TDP1: variants seen among roughly 807,000 people sequenced by gnomAD.
The protein encoded by TDP1 is tyr-DNA phosphodiesterase 1.
A neutral mutation model predicts 81.5 loss-of-function variants in TDP1; 64 were observed. The ratio of observed to expected loss-of-function variants is 0.79; its 90% CI spans 0.64 to 0.97. TDP1 has a LOEUF of 0.97. Among genes scored for constraint, TDP1 ranks in the 50% least tolerant of loss-of-function variants. The pLI is 0.00. For synonymous variants in TDP1, 256 were observed against 264.3 expected (o/e 0.97, Z 0.30); for missense variants, 723 against 743.8 (o/e 0.97, Z 0.33).
intron 14 of TDP1, among the ~76,000 whole-genome samples, chr14:90,013,613 C>T (rs1884977774): frequency 6.6e-6 from 1 of 152,068 alleles, no homozygotes; most frequent in South Asian, 2.1e-4. Flanking sequence ...TCTTTATTAG[C>T]AGCATGAGAA....
chr14:89,985,872 C>T (rs1276269153), intron 10 of TDP1, among the ~76,000 whole-genome samples: 1 of 152,044 alleles, frequency 6.6e-6, no homozygotes, highest in Non-Finnish European at 1.5e-5. Context: ...ACTAAAAATA[C>T]AAAAATTAGC....
At chr14:90,004,412 C>T (rs1897461640) in intron 14 of TDP1, among the ~76,000 whole-genome samples, 1 of 152,172 alleles carries the variant, frequency 6.6e-6, no homozygotes, top group Non-Finnish European at 1.5e-5. Context: ...TTGTATGGTG[C>T]TTACTATATG....
At chr14:90,019,467 G>A in intron 15 of TDP1, 49 bp downstream of exon 15, 1 of 1,032,230 alleles carries the variant, frequency 9.7e-7, no homozygotes, top group South Asian at 1.3e-5. Flanking sequence ...GAGATGAATT[G>A]GGCTTTGTGT....
chr14:89,995,682 T>G (rs557949632), intron 14 of TDP1, among the ~76,000 whole-genome samples: 15 of 152,342 alleles, frequency 9.8e-5, no homozygotes, highest in African/African-American at 3.6e-4. Flanking sequence ...TTTTGTTTTG[T>G]CTGTCACTTT....
rs1887473928 is a variant in TDP1, at chr14:90,033,143, C to G, written c.1682C>G (p.Ala561Gly). The change falls in exon 16 of 17, where the codon GCT becomes GGT. Residue 561 changes from alanine to glycine, a missense_variant. Coordinates refer to ENST00000335725, the MANE Select transcript of TDP1 (RefSeq NM_018319.4). ...TTCAAAGTGAAACAGAAGTTCTTCG[C>G]TGGCAGCCAGGAGCCAATGGCCACC... is the stretch of plus-strand genomic sequence containing the variant. ...DSFKVKQKFF[A>G]GSQEPMATFP... The G allele has an allele frequency of 6.2e-7, 1 of 1,613,446 alleles. No individual in the cohort carries two copies. The highest frequency in any genetic ancestry group is 2.2e-5 in the East Asian group (1 of 44,884).
At chr14:89,965,504 A>G (rs11844949) in intron 3 of TDP1, among the ~76,000 whole-genome samples, 15,371 of 152,172 alleles carry the variant, frequency 0.1, 2,039 homozygotes, top group African/African-American at 0.31. Context: ...GTCTCCACAG[A>G]TGTGGCTGTT....
chr14:90,031,719 T>G (rs1234689879), intron 15 of TDP1, among the ~76,000 whole-genome samples: 1 of 152,160 alleles, frequency 6.6e-6, no homozygotes, highest in Non-Finnish European at 1.5e-5. Context: ...TTTTAGTCCC[T>G]GGGACCTGCC....
intron 5 of TDP1, among the ~76,000 whole-genome samples, chr14:89,969,891 T>TTTTTTC (rs1893400676): frequency 6.7e-6 from 1 of 149,052 alleles, no homozygotes; most frequent in Non-Finnish European, 1.5e-5. Flanking sequence ...TTTTTTTTTT[T>TTTTTTC]TTTGAGGCGG....
chr14:89,981,870 A>G (rs1384629065), intron 8 of TDP1, among the ~76,000 whole-genome samples: 1 of 151,984 alleles, frequency 6.6e-6, no homozygotes, highest in African/African-American at 2.4e-5. Context: ...TATTTTTTGT[A>G]GAGACAAGGT....
intron 6 of TDP1, among the ~76,000 whole-genome samples, chr14:89,971,972 CTG>C (rs1167667957): frequency 6.6e-6 from 1 of 152,070 alleles, no homozygotes; most frequent in Non-Finnish European, 1.5e-5. Context: ...GATTAAAAAA[CTG>C]TTAGGAAACT....
intron 14 of TDP1, among the ~76,000 whole-genome samples, chr14:90,004,270 C>G (rs553815134): frequency 2.0e-5 from 3 of 152,276 alleles, no homozygotes; most frequent in African/African-American, 7.2e-5. Flanking sequence ...CTTAGTGCCT[C>G]TAGACCCTTT....
At chr14:89,992,048 GGTTT>G (rs1237324284) in intron 13 of TDP1, 65 bp downstream of exon 13, 9 of 1,404,930 alleles carry the variant, frequency 6.4e-6, no homozygotes, top group African/African-American at 3.3e-5. Context: ...TTATGTCACT[GGTTT>G]GTTTTTTTTT....
At chr14:90,022,959 T>C in intron 15 of TDP1, 1 of 730,102 alleles carries the variant, frequency 1.4e-6, no homozygotes, top group East Asian at 2.5e-5. Flanking sequence ...ACCTGGACGT[T>C]CCAGTGGCCT....
intron 16 of TDP1, among the ~76,000 whole-genome samples, chr14:90,041,702 T>C (rs1888373976): frequency 6.6e-6 from 1 of 152,210 alleles, no homozygotes; most frequent in East Asian, 1.9e-4. Flanking sequence ...CCCCTTGAAG[T>C]TTCTCTAACA....
chr14:89,984,405 T>C (rs2140094567), intron 8 of TDP1, 111 bp from the exon 9 acceptor site: 9 of 1,599,070 alleles, frequency 5.6e-6, no homozygotes, highest in Non-Finnish European at 7.6e-6. Context: ...TTACTTACCA[T>C]GTGGAGATAC....
intron 15 of TDP1, among the ~76,000 whole-genome samples, chr14:90,024,012 G>A (rs946786861): frequency 5.9e-5 from 9 of 152,122 alleles, no homozygotes; most frequent in Admixed American, 4.6e-4. Flanking sequence ...CATGCTGGGC[G>A]AATCAGCTGT....
At chr14:90,027,910 C>T (rs1886847149) in intron 15 of TDP1, among the ~76,000 whole-genome samples, 2 of 152,208 alleles carry the variant, frequency 1.3e-5, no homozygotes, top group Admixed American at 1.3e-4. Flanking sequence ...GCAGCAACAG[C>T]ATATAAGCCA....
At chr14:90,020,303 A>G (rs1885820929) in intron 15 of TDP1, among the ~76,000 whole-genome samples, 2 of 152,098 alleles carry the variant, frequency 1.3e-5, no homozygotes. Flanking sequence ...CACAGAATAC[A>G]GAATCGCCCA....
chr14:89,965,487 C>CT (rs539311208), intron 3 of TDP1, among the ~76,000 whole-genome samples: 322 of 152,280 alleles, frequency 2.1e-3, no homozygotes, highest in Non-Finnish European at 3.8e-3. Context: ...TGCCTGGCAT[C>CT]TAACAGGTCT....
Sources: gnomAD v4.1 joint callset for allele counts (sites outside exome capture counted in the v4.1 genomes callset) on GRCh38, gnomAD v4.1.1 for gene constraint, MANE v1.5 for transcripts, NCBI Gene and HGNC (gene_info 2026-07-23, HGNC 2026-07-21) for gene names.